Variants in ERCC5 observed in about 807,000 individuals in gnomAD.
The protein encoded by ERCC5 is ERCC excision repair 5, endonuclease.
ERCC5 carries 68 observed loss-of-function variants against 105.6 expected under a neutral mutation model. The ratio of observed to expected loss-of-function variants is 0.64; its 90% CI spans 0.53 to 0.79. The LOEUF is 0.79. Among genes scored for constraint, ERCC5 ranks in the 30% least tolerant of loss-of-function variants. The pLI is 0.00. For missense variants in ERCC5, 1,373 were observed against 1,426.7 expected (o/e 0.96, Z 0.61); for synonymous variants, 546 against 526.2 (o/e 1.04, Z -0.51).
chr13:102,850,899 T>C (rs1335553448), intron 1 of ERCC5, among the ~76,000 whole-genome samples: 1 of 152,150 alleles, frequency 6.6e-6, no homozygotes, highest in African/African-American at 2.4e-5. Flanking sequence ...AGATCACTGA[T>C]GAAGTGAATA....
intron 12 of ERCC5, among the ~76,000 whole-genome samples, chr13:102,869,180 T>C (rs1158857103): frequency 2.0e-5 from 3 of 152,212 alleles, no homozygotes; most frequent in African/African-American, 7.2e-5. Context: ...ACGGCGAAAC[T>C]GTTGTAGTGA....
At chr13:102,868,342 C>T (rs1882919089) in intron 12 of ERCC5, 85 bp downstream of exon 12, 1 of 1,532,382 alleles carries the variant, frequency 6.5e-7, no homozygotes, top group Non-Finnish European at 9.0e-7. Context: ...CATGAACTGT[C>T]ATGCTGTAAC....
rs1283214655 is a variant in ERCC5, at chr13:102,862,320, A to AT, written c.1173dup (p.Lys392Ter). ...CATATCACCCCGGACTCTTTCAGCCATTAAGAGAGCTCTTGACGATGACGA... is the reference window on the plus strand; with the variant it reads ...CATATCACCCCGGACTCTTTCAGCCATTTAAGAGAGCTCTTGACGATGACGA... On this transcript the variant is annotated frameshift_variant, in exon 8 of 15. Coordinates refer to ENST00000652225, the MANE Select transcript of ERCC5 (RefSeq NM_000123.4). LOFTEE classifies it high-confidence loss of function. 2 of 1,614,182 alleles carry AT rather than the reference A, an allele frequency of 1.2e-6. No individual in the cohort carries two copies. Among genetic ancestry groups the AT allele is most frequent in the East Asian group, 4.5e-5 (2 of 44,892 alleles).
At position 102,865,858 on chromosome 13, in the gene ERCC5, G is replaced by A. The variant is rs2140531417; in HGVS notation, c.2146G>A (p.Glu716Lys). 6.2e-7 allele frequency: 1 copy of A among 1,614,236 alleles called. No individual in the cohort carries two copies. Among genetic ancestry groups the A allele is most frequent in the Non-Finnish European group, 8.5e-7 (1 of 1,180,032 alleles). ...GGACGACGTGGATGGTGAGCCACAG[G>A]AAGCTGAGAAAGATGCGGAAGATTC... Reference protein sequence around the residue: ...ERDDVDGEPQEAEKDAEDSLH... With the variant: ...ERDDVDGEPQKAEKDAEDSLH... Residue 716 changes from glutamate to lysine, a missense_variant, in exon 9 of 15, where the codon GAA becomes AAA. By Grantham distance (56) the Glu-to-Lys change is moderately conservative (BLOSUM62 1). Transcript: ENST00000652225. The surrounding 1 kb of genome is among the most constrained non-coding windows in gnomAD (Gnocchi z 4.0).
chr13:102,866,660 ACATC>A lies in ERCC5; in HGVS notation c.2351_2354del (p.Ile784ArgfsTer15), dbSNP rs1433252610. The A allele has an allele frequency of 6.2e-7, 1 of 1,613,852 alleles. No homozygotes were observed. The highest frequency in any genetic ancestry group is 2.2e-5 in the East Asian group (1 of 44,882). On this transcript the variant is annotated frameshift_variant, in exon 11 of 15. Coordinates refer to ENST00000652225, the MANE Select transcript of ERCC5 (RefSeq NM_000123.4). LOFTEE classifies it high-confidence loss of function. Reference sequence around the variant, plus strand: ...CTCCTGCGCCTGTTCGGCATTCCCTACATCCAGGCTCCCATGGAAGCAGAGGCGC... The same window carrying A: ...CTCCTGCGCCTGTTCGGCATTCCCTACAGGCTCCCATGGAAGCAGAGGCGC...
chr13:102,868,569 C>G (rs540384653), intron 12 of ERCC5, among the ~76,000 whole-genome samples: 1 of 152,340 alleles, frequency 6.6e-6, no homozygotes, highest in East Asian at 1.9e-4. Context: ...ACTGTGCTGG[C>G]CCTGGGGAAA....
chr13:102,861,475 A>G (rs562441536), intron 6 of ERCC5, 32 bp from the exon 7 acceptor site: 7 of 1,608,496 alleles, frequency 4.4e-6, no homozygotes, highest in Non-Finnish European at 6.0e-6. Context: ...TTAATATAAA[A>G]CAGTAATTTT....
intron 1 of ERCC5, among the ~76,000 whole-genome samples, chr13:102,851,066 T>C (rs1325012097): frequency 1.3e-5 from 2 of 152,224 alleles, no homozygotes; most frequent in Non-Finnish European, 2.9e-5. Flanking sequence ...AAAATATAAG[T>C]TATCTTTAGT....
At position 102,852,143 on chromosome 13, in the gene ERCC5, A is replaced by T. The variant is rs764800560; in HGVS notation, c.114A>T (p.Ala38=). The T allele has an allele frequency of 6.2e-7, 1 of 1,614,112 alleles. No individual in the cohort carries two copies. Among genetic ancestry groups the T allele is most frequent in the South Asian group, 1.1e-5 (1 of 91,048 alleles). The change falls in exon 2 of 15, where the codon GCA becomes GCT. Residue 38 remains alanine, a synonymous_variant. Transcript: ENST00000652225. ...AVDISIWLNQ[A]LKGVRDRHGN... is the part of the protein sequence containing the mutation. Reference sequence around the variant, plus strand: ...ATATTAGCATTTGGTTAAACCAAGCACTTAAAGGAGTCCGGGATCGCCATG... The same window carrying T: ...ATATTAGCATTTGGTTAAACCAAGCTCTTAAAGGAGTCCGGGATCGCCATG...
At chr13:102,852,038 T>A in intron 1 of ERCC5, 80 bp from the exon 2 acceptor site, 1 of 1,486,802 alleles carries the variant, frequency 6.7e-7, no homozygotes, top group Non-Finnish European at 9.3e-7. Flanking sequence ...AACGTTTGGA[T>A]AATATCAGTT....
Position 102,875,349 on chromosome 13 carries a change from G to T in ERCC5, c.3007G>T (p.Glu1003Ter). ...TTCCTTCTTTAGATTAGCACAACAG[G>T]AGAAAGAAGATGCTAAACGTATTAA... is the stretch of plus-strand genomic sequence containing the variant. ...IDSFFRLAQQ[E>*]KEDAKRIKSQ... is the part of the protein sequence containing the mutation. The change falls in exon 15 of 15, where the codon GAG (glutamate) becomes TAG (stop). Residue 1003 changes from glutamate (E) to a stop codon, truncating the protein, a stop_gained. Transcript: ENST00000652225. LOFTEE classifies it low-confidence loss of function (END_TRUNC). The T allele has an allele frequency of 6.2e-7, 1 of 1,613,900 alleles. No homozygotes were observed. The highest frequency in any genetic ancestry group is 1.7e-5 in the Admixed American group (1 of 59,992).
intron 2 of ERCC5, 121 bp downstream of exon 2, chr13:102,852,414 C>T: frequency 8.8e-7 from 1 of 1,133,946 alleles, no homozygotes; most frequent in Non-Finnish European, 1.3e-6. Flanking sequence ...TATTTTGACA[C>T]ATACTTAATT....
At chr13:102,853,508 A>G (rs1882280896) in intron 2 of ERCC5, among the ~76,000 whole-genome samples, 1 of 152,278 alleles carries the variant, frequency 6.6e-6, no homozygotes, top group Non-Finnish European at 1.5e-5. Flanking sequence ...CATTTAAAAG[A>G]AACTGAAAGT....
Position 102,865,596 on chromosome 13 carries a change from A to G in ERCC5, c.1955-71A>G. On this transcript the variant is annotated intron_variant, in intron 8 of 14. Transcript: ENST00000652225. The surrounding 1 kb of genome is among the most constrained non-coding windows in gnomAD (Gnocchi z 4.0). ...TAGCATTTTTCAGGTTCCTCCAGAAAGCTCTTGATGATTGCAGGATCATTT... is the reference window on the plus strand; with the variant it reads ...TAGCATTTTTCAGGTTCCTCCAGAAGGCTCTTGATGATTGCAGGATCATTT... 6.3e-7 allele frequency: 1 copy of G among 1,592,504 alleles called. No homozygotes were observed. The highest frequency in any genetic ancestry group is 1.1e-5 in the South Asian group (1 of 88,056).
chr13:102,872,433 T>C (rs1426238748), intron 13 of ERCC5, 35 bp downstream of exon 13: 2 of 1,610,426 alleles, frequency 1.2e-6, no homozygotes, highest in African/African-American at 2.7e-5. Flanking sequence ...AGGAAACACC[T>C]TGTCAAATAT....
Position 102,846,195 on chromosome 13 carries a change from C to T in ERCC5, c.-72C>T, listed in dbSNP as rs2296148. ...GAGGGCTTCCTCCCGGGGTCCTAGG[C>T]GGCGGTGCAGTCCGTCGTAGAAGAA... On this transcript the variant is annotated 5_prime_UTR_variant, in exon 1 of 15. Coordinates refer to ENST00000652225, the MANE Select transcript of ERCC5 (RefSeq NM_000123.4). 58,662 of 1,310,150 alleles carry T rather than the reference C, an allele frequency of 0.045. 1,834 individuals are homozygous for T. Among genetic ancestry groups the T allele is most frequent in the African/African-American group, 0.14 (9,584 of 68,458 alleles). The allele number at this position is 1,310,150 out of a possible 1,614,324, so 81.2% of individuals were successfully genotyped here. A position where few individuals can be genotyped will look rare whatever the true frequency, so the allele number is the denominator to read the frequency against.
chr13:102,849,570 T>G, intron 1 of ERCC5: 1 of 373,128 alleles, frequency 2.7e-6, no homozygotes, highest in Non-Finnish European at 5.2e-6. Flanking sequence ...TAATTGTTGA[T>G]GGACCTACAT....
intron 1 of ERCC5, among the ~76,000 whole-genome samples, chr13:102,850,789 G>A (rs897771621): frequency 5.9e-5 from 9 of 152,120 alleles, no homozygotes; most frequent in African/African-American, 1.4e-4. Context: ...GGTCAGGAGC[G>A]TGCTCTGGGC....
At chr13:102,863,234 A>G in intron 8 of ERCC5, 131 bp downstream of exon 8, 1 of 1,084,712 alleles carries the variant, frequency 9.2e-7, no homozygotes, top group East Asian at 2.6e-5. Flanking sequence ...AAGAAAGATG[A>G]AATGACTTTC....
Sources: gnomAD v4.1 joint callset for allele counts (sites outside exome capture counted in the v4.1 genomes callset) on GRCh38, gnomAD v4.1.1 for gene constraint, Gnocchi (gnomAD v3.1) non-coding constraint, MANE v1.5 for transcripts, NCBI Gene and HGNC (gene_info 2026-07-23, HGNC 2026-07-21) for gene names.